C8orf34: variants seen among roughly 807,000 people sequenced by gnomAD.
C8orf34 encodes the protein uncharacterized protein C8orf34.
A neutral mutation model predicts 68.3 loss-of-function variants in C8orf34; 65 were observed. That is an observed-to-expected ratio of 0.95 (90% CI 0.78 to 1.17). The LOEUF (loss-of-function observed/expected upper bound fraction) is 1.17. Among genes scored for constraint, C8orf34 ranks in the 50% most tolerant of loss-of-function variants. The pLI is 0.00. For missense variants in C8orf34, 664 were observed against 655.4 expected, an observed-to-expected ratio of 1.01 and a Z score of -0.14; for synonymous variants, 244 against 241.2, an observed-to-expected ratio of 1.01 and a Z score of -0.11.
At chr8:68,732,334 G>T (rs974206575) in intron 10 of C8orf34, among the ~76,000 whole-genome samples, 2 of 152,096 alleles carry the variant, frequency 1.3e-5, no homozygotes, top group East Asian at 1.9e-4. Flanking sequence ...AATATAAAAT[G>T]AAACTTTTTG....
At chr8:68,725,061 C>A (rs1441315053) in intron 10 of C8orf34, among the ~76,000 whole-genome samples, 4 of 152,056 alleles carry the variant, frequency 2.6e-5, no homozygotes, top group Non-Finnish European at 4.4e-5. Context: ...GAGACAGAAT[C>A]TAGCTATGTT....
chr8:68,356,620 T>A (rs757155306), intron 1 of C8orf34, among the ~76,000 whole-genome samples: 1 of 152,144 alleles, frequency 6.6e-6, no homozygotes, highest in African/African-American at 2.4e-5. Flanking sequence ...TTTTGAGAAA[T>A]TTGCCATGAA....
intron 1 of C8orf34, among the ~76,000 whole-genome samples, chr8:68,434,232 C>T (rs1052038091): frequency 1.2e-4 from 19 of 152,162 alleles, no homozygotes; most frequent in Middle Eastern, 3.4e-3. Flanking sequence ...ACCTATCAAC[C>T]CATCATGTAG....
chr8:68,707,392 A>C (rs769727799), intron 8 of C8orf34, among the ~76,000 whole-genome samples: 10 of 152,272 alleles, frequency 6.6e-5, no homozygotes, highest in Admixed American at 1.3e-4. Flanking sequence ...AAAGCCTGTC[A>C]GGAACAGTTA....
At chr8:68,498,168 C>A (rs1361553440) in intron 5 of C8orf34, among the ~76,000 whole-genome samples, 1 of 152,116 alleles carries the variant, frequency 6.6e-6, no homozygotes, top group African/African-American at 2.4e-5. Flanking sequence ...AATAGCAAAA[C>A]CTGCCCTATT....
intron 1 of C8orf34, among the ~76,000 whole-genome samples, chr8:68,407,371 T>G (rs1342721536): frequency 1.3e-5 from 2 of 152,160 alleles, no homozygotes; most frequent in East Asian, 3.9e-4. Context: ...GTAAGATAAT[T>G]TTGCCTGCTC....
intron 1 of C8orf34, among the ~76,000 whole-genome samples, chr8:68,398,649 T>C (rs1808819408): frequency 6.6e-6 from 1 of 152,174 alleles, no homozygotes; most frequent in Admixed American, 6.6e-5. Flanking sequence ...TTGTACACTT[T>C]AACTTATACA....
At chr8:68,715,104 T>C (rs977942023) in intron 9 of C8orf34, among the ~76,000 whole-genome samples, 7 of 152,122 alleles carry the variant, frequency 4.6e-5, no homozygotes, top group African/African-American at 1.7e-4. Context: ...TCCTCATCTC[T>C]CATCTTATAC....
intron 10 of C8orf34, among the ~76,000 whole-genome samples, chr8:68,749,455 TAATAA>T (rs1249162171): frequency 2.0e-5 from 3 of 151,618 alleles, no homozygotes; most frequent in East Asian, 3.9e-4. Flanking sequence ...TAAAAGCAAA[TAATAA>T]AATAAAATAA....
At chr8:68,796,461 T>A (rs900278989) in intron 12 of C8orf34, among the ~76,000 whole-genome samples, 1 of 151,828 alleles carries the variant, frequency 6.6e-6, no homozygotes, top group Non-Finnish European at 1.5e-5. Context: ...CCAGATTAAA[T>A]CTGCCTCTTT....
At chr8:68,378,626 CAG>C (rs780848625) in intron 1 of C8orf34, among the ~76,000 whole-genome samples, 39 of 152,130 alleles carry the variant, frequency 2.6e-4, no homozygotes, top group Non-Finnish European at 5.1e-4. Flanking sequence ...GCATGAATAA[CAG>C]AGCAGAAATA....
At chr8:68,772,960 C>T (rs1823397341) in intron 10 of C8orf34, among the ~76,000 whole-genome samples, 1 of 151,680 alleles carries the variant, frequency 6.6e-6, no homozygotes, top group Non-Finnish European at 1.5e-5. Flanking sequence ...CTCCTGTCTG[C>T]CTCTCCTTGT....
intron 1 of C8orf34, among the ~76,000 whole-genome samples, chr8:68,390,891 C>T (rs1016783087): frequency 6.6e-6 from 1 of 152,092 alleles, no homozygotes; most frequent in African/African-American, 2.4e-5. Flanking sequence ...GGTGTTGCTG[C>T]CTGGAGACAG....
intron 1 of C8orf34, among the ~76,000 whole-genome samples, chr8:68,396,996 T>A (rs1371942491): frequency 1.3e-5 from 2 of 151,938 alleles, no homozygotes; most frequent in Non-Finnish European, 2.9e-5. Context: ...TTTTAAAAAA[T>A]TTTTATTTTA....
intron 8 of C8orf34, among the ~76,000 whole-genome samples, chr8:68,705,624 G>A (rs1159151249): frequency 1.3e-5 from 2 of 152,104 alleles, no homozygotes; most frequent in Non-Finnish European, 1.5e-5. Flanking sequence ...AACTGTGGAC[G>A]TAAAGGCATT....
In C8orf34 at chr8:68,462,362, G is replaced by T. The variant is rs149486014; in HGVS notation, c.608-6330G>T. On this transcript the variant is annotated intron_variant, in intron 3 of 13. Coordinates refer to ENST00000518698, the MANE Select transcript of C8orf34 (RefSeq NM_052958.4). The stretch of plus-strand genomic sequence containing the variant: ...TAATGGGAGAATCTAATACCCCACT[G>T]TCAACATTAGACACATCAATGAGAC... Among the ~76,000 whole-genome samples the T allele has an allele frequency of 5.1e-3, 770 of 152,256 alleles. 3 individuals carry two copies. Among genetic ancestry groups the T allele is most frequent in the African/African-American group, 0.018 (731 of 41,544 alleles).
At chr8:68,487,327 C>T (rs1270081599) in intron 4 of C8orf34, among the ~76,000 whole-genome samples, 2 of 152,092 alleles carry the variant, frequency 1.3e-5, no homozygotes, top group African/African-American at 4.8e-5. Flanking sequence ...GACAGCATTT[C>T]AGTAAAGTGG....
At chr8:68,522,240 A>T (rs1342867024) in intron 6 of C8orf34, among the ~76,000 whole-genome samples, 1 of 152,152 alleles carries the variant, frequency 6.6e-6, no homozygotes, top group African/African-American at 2.4e-5. Context: ...TAATTTCAAG[A>T]TATGCTGCCA....
At chr8:68,379,685 A>C (rs1586019827) in intron 1 of C8orf34, among the ~76,000 whole-genome samples, 1 of 152,322 alleles carries the variant, frequency 6.6e-6, no homozygotes, top group East Asian at 1.9e-4. Context: ...TATTCAAACA[A>C]GCAAACGTGT....
Sources: gnomAD v4.1 joint callset for allele counts (sites outside exome capture counted in the v4.1 genomes callset) on GRCh38, gnomAD v4.1.1 for gene constraint, MANE v1.5 for transcripts, NCBI Gene and HGNC (gene_info 2026-07-23, HGNC 2026-07-21) for gene names.